SLFNL1: variants seen among roughly 807,000 people sequenced by gnomAD.
SLFNL1 encodes the protein schlafen like 1, also known as schlafen-like protein 1.
In SLFNL1, 26 loss-of-function variants were observed where a neutral mutation model predicts 32.5. The ratio of observed to expected loss-of-function variants is 0.80; its 90% confidence interval spans 0.59 to 1.11. The LOEUF (loss-of-function observed/expected upper bound fraction) is 1.11, where lower values mean the gene tolerates loss of function less well. Ranked by LOEUF, SLFNL1 falls within the 50% of genes least tolerant of loss-of-function variation. The probability of loss-of-function intolerance (pLI) is 0.00; values close to 1 mark genes in which losing one functional copy is unlikely to be tolerated. For synonymous variants in SLFNL1, 255 were observed against 242.2 expected (o/e 1.05, Z -0.49); for missense variants, 553 against 546.5 (o/e 1.01, Z -0.12).
Position 41,017,230 on chromosome 1 carries a change from G to C in SLFNL1, c.1101+4C>G. ...ACCCCACCCACTGGCCTCAGCTTCC[G>C]TACCTGCCTGCACCACTCCTGGATG... On this transcript the variant is annotated splice_donor_region_variant and intron_variant, in intron 5 of 5. Coordinates refer to ENST00000302946, the MANE Select transcript of SLFNL1 (RefSeq NM_144990.4). This position sits in a 1 kb window ranked among gnomAD's most constrained non-coding sequence, Gnocchi z 4.9. The C allele has an allele frequency of 6.4e-7, 1 of 1,560,840 alleles. No homozygotes were observed. The highest frequency in any genetic ancestry group is 8.6e-7 in the Non-Finnish European group (1 of 1,156,278).
At position 41,017,371 on chromosome 1, in the gene SLFNL1, G is replaced by A. The variant is rs368131684; in HGVS notation, c.964C>T (p.Arg322Cys). Reference protein sequence around the residue: ...SETSVPLKVIRLTVHTPKAQS... With the variant: ...SETSVPLKVICLTVHTPKAQS... ...GCCTTGGGGGTGTGCACGGTCAGGCGGATCACCTTGGTAGGGGCAACAGCA... is the reference window on the plus strand; with the variant it reads ...GCCTTGGGGGTGTGCACGGTCAGGCAGATCACCTTGGTAGGGGCAACAGCA... Residue 322 changes from arginine (R) to cysteine (C), a missense_variant, in exon 5 of 6, where the codon CGC (arginine) becomes TGC (cysteine). By Grantham distance (180) the Arg-to-Cys change is radical. Coordinates refer to ENST00000302946, the MANE Select transcript of SLFNL1 (RefSeq NM_144990.4). The surrounding 1 kb of genome is among the most constrained non-coding windows in gnomAD (Gnocchi z 4.9). The A allele has an allele frequency of 5.6e-6, 9 of 1,612,602 alleles. No individual in the cohort carries two copies. The highest frequency in any genetic ancestry group is 1.3e-5 in the African/African-American group (1 of 74,896).
chr1:41,017,790 C>T lies in SLFNL1; in HGVS notation c.802G>A (p.Val268Met), dbSNP rs752272148. 5.0e-6 allele frequency: 8 copies of T among 1,604,800 alleles called. No individual in the cohort carries two copies. The highest frequency in any genetic ancestry group is 2.2e-5 in the South Asian group (2 of 90,232). The change falls in exon 4 of 6, where the codon GTG becomes ATG. Residue 268 changes from valine to methionine, a missense_variant. Coordinates refer to ENST00000302946, the MANE Select transcript of SLFNL1 (RefSeq NM_144990.4). The surrounding 1 kb of genome is among the most constrained non-coding windows in gnomAD (Gnocchi z 4.9). ...LLVGVEDSGL[V>M]QGIRCSHRDE... ...CGGTGGCTGCAGCGGATGCCCTGCA[C>T]CAGGCCGCTGTCCTCTACTCCCACG...
rs1558193297 is a variant in SLFNL1, at chr1:41,017,366, C to T, written c.969G>A (p.Leu323=). ...TCTGGGCCTTGGGGGTGTGCACGGT[C>T]AGGCGGATCACCTTGGTAGGGGCAA... is the stretch of plus-strand genomic sequence containing the variant. The part of the protein sequence containing the change: ...ETSVPLKVIR[L]TVHTPKAQSQ... Residue 323 remains leucine, a synonymous_variant, in exon 5 of 6, where the codon CTG becomes CTA. Transcript: ENST00000302946. This position sits in a 1 kb window ranked among gnomAD's most constrained non-coding sequence, Gnocchi z 4.9. The T allele has an allele frequency of 1.9e-6, 3 of 1,613,182 alleles. No homozygotes were observed. Among genetic ancestry groups the T allele is most frequent in the Non-Finnish European group, 2.5e-6 (3 of 1,179,724 alleles).
At chr1:41,021,078 A>C in intron 1 of SLFNL1, 1 of 174,898 alleles carries the variant, frequency 5.7e-6, no homozygotes, top group Admixed American at 5.4e-5. Context: ...CTACCAGTTC[A>C]CTCCTGCCTC....
rs761021516 is a variant in SLFNL1, at chr1:41,017,209, C to A, written c.1101+25G>T. ...GTCTGGGGTCAGCTCCGCTCCACCC[C>A]ACCCACTGGCCTCAGCTTCCGTACC... On this transcript the variant is annotated intron_variant, in intron 5 of 5. Coordinates refer to ENST00000302946, the MANE Select transcript of SLFNL1 (RefSeq NM_144990.4). The surrounding 1 kb of genome is among the most constrained non-coding windows in gnomAD (Gnocchi z 4.9). The A allele has an allele frequency of 1.3e-6, 2 of 1,536,778 alleles. No homozygotes were observed. The highest frequency in any genetic ancestry group is 1.7e-6 in the Non-Finnish European group (2 of 1,144,958).
intron 3 of SLFNL1, chr1:41,018,422 T>G (rs955537074): frequency 3.4e-5 from 14 of 408,974 alleles, no homozygotes; most frequent in African/African-American, 2.8e-4. Flanking sequence ...GGATGCCTGG[T>G]GGGGAAGAAG....
rs1341795495 is a variant in SLFNL1, at chr1:41,018,632, C to T, written c.436-476G>A. On this transcript the variant is annotated intron_variant, in intron 3 of 5. Transcript: ENST00000302946. Reference sequence around the variant, plus strand: ...CTTCCTGATTTCAAACCTTTGCCCACTACTTGCTGGGCTATTGACAAGTCC... The same window carrying T: ...CTTCCTGATTTCAAACCTTTGCCCATTACTTGCTGGGCTATTGACAAGTCC... Among the ~76,000 whole-genome samples, 16 of 152,130 alleles carry T rather than the reference C, an allele frequency of 1.1e-4. 1 individual carries two copies. Among genetic ancestry groups the T allele is most frequent in the Admixed American group, 1.0e-3 (16 of 15,272 alleles).
chr1:41,019,345 T>C (rs1370966305), intron 3 of SLFNL1, among the ~76,000 whole-genome samples: 1 of 152,146 alleles, frequency 6.6e-6, no homozygotes, highest in Non-Finnish European at 1.5e-5. Flanking sequence ...TGCAACAGTT[T>C]AAACACCATC....
Position 41,017,783 on chromosome 1 carries a change from C to T in SLFNL1, c.809G>A (p.Gly270Asp). 1.2e-6 allele frequency: 2 copies of T among 1,605,688 alleles called. No individual in the cohort carries two copies. Among genetic ancestry groups the T allele is most frequent in the East Asian group, 2.2e-5 (1 of 44,670 alleles). ...CTCGTCACGGTGGCTGCAGCGGATGCCCTGCACCAGGCCGCTGTCCTCTAC... is the reference window on the plus strand; with the variant it reads ...CTCGTCACGGTGGCTGCAGCGGATGTCCTGCACCAGGCCGCTGTCCTCTAC... ...VGVEDSGLVQ[G>D]IRCSHRDEDR... Residue 270 changes from glycine to aspartate, a missense_variant, in exon 4 of 6, where the codon GGC becomes GAC. Coordinates refer to ENST00000302946, the MANE Select transcript of SLFNL1 (RefSeq NM_144990.4). The surrounding 1 kb of genome is among the most constrained non-coding windows in gnomAD (Gnocchi z 4.9).
In SLFNL1 at chr1:41,020,739, G is replaced by T. The variant is rs1643772471; in HGVS notation, c.-79C>A. 7.4e-7 allele frequency: 1 copy of T among 1,357,256 alleles called. No individual in the cohort carries two copies. Among genetic ancestry groups the T allele is most frequent in the Non-Finnish European group, 1.0e-6 (1 of 987,848 alleles). The allele number at this position is 1,357,256 out of a possible 1,614,324, so 84.1% of individuals were successfully genotyped here. ...TCCCAGGGTCTGTGTTCTCAGTGTG[G>T]CTTAAGGGCTCCCAGAGGACTCAGG... On this transcript the variant is annotated 5_prime_UTR_variant, in exon 3 of 6. Coordinates refer to ENST00000302946, the MANE Select transcript of SLFNL1 (RefSeq NM_144990.4).
rs41268103 is a variant in SLFNL1 at position 41,017,829 on chromosome 1, C to T, written c.763G>A (p.Gly255Ser). 3.6e-4 allele frequency: 579 copies of T among 1,598,876 alleles called. No individual in the cohort carries two copies. The highest frequency in any genetic ancestry group is 4.5e-4 in the Non-Finnish European group (529 of 1,169,052). Reference sequence around the variant, plus strand: ...TCTACTCCCACGAGCAGGCTGCCGCCCTCGCTGTTGAGGAAGGCGCACACG... The same window carrying T: ...TCTACTCCCACGAGCAGGCTGCCGCTCTCGCTGTTGAGGAAGGCGCACACG... ...RYVCAFLNSE[G>S]GSLLVGVEDS... Residue 255 changes from glycine to serine, a missense_variant, in exon 4 of 6, where the codon GGC (glycine) becomes AGC (serine). Coordinates refer to ENST00000302946, the MANE Select transcript of SLFNL1 (RefSeq NM_144990.4). The surrounding 1 kb of genome is among the most constrained non-coding windows in gnomAD (Gnocchi z 4.9).
rs926667523 is a variant in SLFNL1 at position 41,016,104 on chromosome 1, C to T, written c.*2G>A. 2.5e-6 allele frequency: 4 copies of T among 1,612,404 alleles called. No individual in the cohort carries two copies. In the African/African-American group the frequency reaches 5.3e-5, roughly 22 times the overall value. ...TGCCGTCCTGCCTGCTCCCCAGGGCCCTCACAGGACACAGCAGGTGCAGGA... is the reference window on the plus strand; with the variant it reads ...TGCCGTCCTGCCTGCTCCCCAGGGCTCTCACAGGACACAGCAGGTGCAGGA... On this transcript the variant is annotated 3_prime_UTR_variant, in exon 6 of 6. Coordinates refer to ENST00000302946, the MANE Select transcript of SLFNL1 (RefSeq NM_144990.4).
In SLFNL1 at chr1:41,018,083, G is replaced by A; in HGVS notation, c.509C>T (p.Thr170Ile). 1.3e-6 allele frequency: 2 copies of A among 1,561,038 alleles called. No homozygotes were observed. The highest frequency in any genetic ancestry group is 1.7e-6 in the Non-Finnish European group (2 of 1,149,310). ...ATCAGGCAGCGTGTGTGTAGGCCAGGTGGGCAGCGGGACACCAGAGCCTGG... is the reference window on the plus strand; with the variant it reads ...ATCAGGCAGCGTGTGTGTAGGCCAGATGGGCAGCGGGACACCAGAGCCTGG... ...PSPGSGVPLP[T>I]WPTHTLPDRP... The change falls in exon 4 of 6, where the codon ACC becomes ATC. Residue 170 changes from threonine to isoleucine, a missense_variant. Physicochemically the swap from Thr to Ile is moderately conservative, Grantham distance 89. Transcript: ENST00000302946.
At position 41,016,353 on chromosome 1, in the gene SLFNL1, G is replaced by T. The variant is rs1643325204; in HGVS notation, c.1102-125C>A. On this transcript the variant is annotated intron_variant, in intron 5 of 5. Transcript: ENST00000302946. ...GAGCCTGAGAGCTTTCTCAGCTAGG[G>T]GAAAAGTCAGGCCCCTCGGCCTGCT... The T allele has an allele frequency of 6.3e-6, 9 of 1,430,372 alleles. No homozygotes were observed. In the Admixed American group the frequency reaches 1.8e-4, roughly 29 times the overall value. The allele number at this position is 1,430,372 out of a possible 1,614,324, so 88.6% of individuals were successfully genotyped here. A position where few individuals can be genotyped will look rare whatever the true frequency, so the allele number is the denominator to read the frequency against.
intron 1 of SLFNL1, 111 bp from the exon 2 acceptor site, chr1:41,020,981 T>G: frequency 3.3e-6 from 1 of 302,216 alleles, no homozygotes; most frequent in Middle Eastern, 9.6e-4. Flanking sequence ...CTCTGAGAGC[T>G]CCACCATTTC....
chr1:41,017,286 C>A lies in SLFNL1; in HGVS notation c.1049G>T (p.Gly350Val), dbSNP rs771731145. Residue 350 changes from glycine (G) to valine (V), a missense_variant, in exon 5 of 6, where the codon GGG (glycine) becomes GTG (valine). Coordinates refer to ENST00000302946, the MANE Select transcript of SLFNL1 (RefSeq NM_144990.4). This position sits in a 1 kb window ranked among gnomAD's most constrained non-coding sequence, Gnocchi z 4.9. ...GGCAGACAGCGGGCCCTGGATGCTC[C>A]CGTCGCGCCGCAGAAACACCTCCCC... ...DQGEVFLRRD[G>V]SIQGPLSASA... 6.2e-7 allele frequency: 1 copy of A among 1,610,032 alleles called. No individual in the cohort carries two copies. Among genetic ancestry groups the A allele is most frequent in the South Asian group, 1.1e-5 (1 of 90,372 alleles).
Position 41,016,207 on chromosome 1 carries a change from T to C in SLFNL1, c.1123A>G (p.Lys375Glu). 1 of 1,614,134 alleles carries C rather than the reference T, an allele frequency of 6.2e-7. No homozygotes were observed. Among genetic ancestry groups the C allele is most frequent in the African/African-American group, 1.3e-5 (1 of 75,044 alleles). Residue 375 changes from lysine (K) to glutamate (E), a missense_variant, in exon 6 of 6, where the codon AAG becomes GAG. Transcript: ENST00000302946. ...AGCGCCTTCATCTTCTCTTCCAGCT[T>C]GCCCAGCTCCACCAGCCACCTCTGA... ...CRQRWLVELG[K>E]LEEKMKALMM...
Position 41,020,736 on chromosome 1 carries a change from G to A in SLFNL1, c.-76C>T, listed in dbSNP as rs3738369. The A allele has an allele frequency of 0.12, 165,227 of 1,398,696 alleles. 11,379 individuals are homozygous for A. The highest frequency in any genetic ancestry group is 0.27 in the East Asian group (11,569 of 42,682). 86.6% of individuals were successfully genotyped at this position (1,398,696 alleles called of 1,614,324 possible). A position where few individuals can be genotyped will look rare whatever the true frequency, so the allele number is the denominator to read the frequency against. On this transcript the variant is annotated 5_prime_UTR_variant, in exon 3 of 6. Transcript: ENST00000302946. ...TTCTCCCAGGGTCTGTGTTCTCAGT[G>A]TGGCTTAAGGGCTCCCAGAGGACTC... is the stretch of plus-strand genomic sequence containing the variant.
chr1:41,020,823 A>G, intron 2 of SLFNL1, 41 bp downstream of exon 2: 1 of 655,496 alleles, frequency 1.5e-6, no homozygotes, highest in Non-Finnish European at 2.6e-6. Context: ...GGCCAGAGAG[A>G]GGGAGGGCAG....
Sources: allele counts gnomAD v4.1 joint callset (sites outside exome capture counted in the v4.1 genomes callset), GRCh38; gene constraint gnomAD v4.1.1; non-coding constraint Gnocchi (gnomAD v3.1); transcripts MANE v1.5; gene names NCBI Gene and HGNC (gene_info 2026-07-23, HGNC 2026-07-21).